Variants in DRC8 observed in about 807,000 individuals in gnomAD.
DRC8 encodes the protein dynein regulatory complex subunit 8.
chr1:245,103,426 G>C, the DRC8 span, among the ~76,000 whole-genome samples: 1 of 1,096 alleles, frequency 9.1e-4, no homozygotes, highest in Admixed American at 0.01. Flanking sequence ...GTGAGGCTGA[G>C]GAGGATCAGA....
the DRC8 span, among the ~76,000 whole-genome samples, chr1:245,024,479 G>A: frequency 6.6e-6 from 1 of 151,204 alleles, no homozygotes; most frequent in Non-Finnish European, 1.5e-5. Context: ...CAAGCATTGG[G>A]ATTTTTTCCC....
chr1:245,009,328 C>T, the DRC8 span, among the ~76,000 whole-genome samples: 7 of 152,032 alleles, frequency 4.6e-5, no homozygotes, highest in South Asian at 1.0e-3. Flanking sequence ...CCACTGTGCC[C>T]GGCTGGATTG....
chr1:245,092,541 G>A, the DRC8 span, among the ~76,000 whole-genome samples: 1 of 152,208 alleles, frequency 6.6e-6, no homozygotes, highest in Non-Finnish European at 1.5e-5. Context: ...ATTTCTGAAA[G>A]CATGGTTGCC....
At chr1:245,075,396 A>G in the DRC8 span, among the ~76,000 whole-genome samples, 3 of 152,206 alleles carry the variant, frequency 2.0e-5, no homozygotes, top group Non-Finnish European at 4.4e-5. Context: ...ATAAATGTTG[A>G]TATTATTAAA....
the DRC8 span, among the ~76,000 whole-genome samples, chr1:244,977,422 C>T: frequency 6.6e-6 from 1 of 152,110 alleles, no homozygotes; most frequent in Non-Finnish European, 1.5e-5. Flanking sequence ...AGGTGGCTCA[C>T]ATCTGTAAAC....
the DRC8 span, among the ~76,000 whole-genome samples, chr1:245,036,074 G>C: frequency 3.3e-5 from 5 of 152,012 alleles, no homozygotes; most frequent in African/African-American, 4.8e-5. Flanking sequence ...GTGCTTCAAA[G>C]GACACTGTCA....
the DRC8 span, among the ~76,000 whole-genome samples, chr1:244,971,391 T>G: frequency 6.6e-6 from 1 of 152,208 alleles, no homozygotes; most frequent in Middle Eastern, 3.2e-3. Context: ...TTCGGAGGCA[T>G]CGATGTGTTG....
chr1:245,010,150 C>T, the DRC8 span, among the ~76,000 whole-genome samples: 1 of 152,162 alleles, frequency 6.6e-6, no homozygotes, highest in East Asian at 1.9e-4. Flanking sequence ...CATGAGCCAC[C>T]GCTCCCGACC....
At chr1:245,101,921 G>T in the DRC8 span, among the ~76,000 whole-genome samples, 1 of 152,224 alleles carries the variant, frequency 6.6e-6, no homozygotes, top group African/African-American at 2.4e-5. Flanking sequence ...GACGATTTAG[G>T]TTCATCTTGT....
At chr1:244,979,785 G>A in the DRC8 span, among the ~76,000 whole-genome samples, 2 of 151,912 alleles carry the variant, frequency 1.3e-5, no homozygotes, top group Admixed American at 1.3e-4. Context: ...AACAAGTAGG[G>A]GATGGATATT....
chr1:245,081,705 G>A, the DRC8 span, among the ~76,000 whole-genome samples: 2 of 152,092 alleles, frequency 1.3e-5, no homozygotes, highest in Non-Finnish European at 2.9e-5. Flanking sequence ...CTGACCTCAA[G>A]TAATCTGCCT....
the DRC8 span, chr1:245,017,247 A>T: frequency 1.9e-6 from 3 of 1,605,344 alleles, no homozygotes; most frequent in Non-Finnish European, 2.5e-6. Flanking sequence ...TGCAGAGATA[A>T]TAGTAGCAGA....
chr1:245,077,779 CAT>C, the DRC8 span, among the ~76,000 whole-genome samples: 2 of 152,042 alleles, frequency 1.3e-5, no homozygotes, highest in Non-Finnish European at 2.9e-5. Flanking sequence ...TAGAAGAAAA[CAT>C]AGGGAAAATG....
chr1:245,116,418 A>T, the DRC8 span, among the ~76,000 whole-genome samples: 2 of 152,048 alleles, frequency 1.3e-5, no homozygotes, highest in South Asian at 4.2e-4. Flanking sequence ...AACAAAAAAA[A>T]CTTTGGCTTG....
the DRC8 span, chr1:245,082,256 A>C: frequency 3.5e-6 from 4 of 1,142,380 alleles, no homozygotes; most frequent in African/African-American, 6.0e-5. Context: ...TTTGTGTGTT[A>C]TACTCAAGCA....
the DRC8 span, among the ~76,000 whole-genome samples, chr1:245,036,806 C>G: frequency 9.9e-5 from 15 of 152,084 alleles, no homozygotes; most frequent in Non-Finnish European, 1.9e-4. Context: ...ACACACAGAT[C>G]AGTGGTTGTG....
At chr1:245,108,918 A>G in the DRC8 span, among the ~76,000 whole-genome samples, 1 of 152,320 alleles carries the variant, frequency 6.6e-6, no homozygotes, top group Non-Finnish European at 1.5e-5. Flanking sequence ...AGATATGGCC[A>G]TGGCTTGTAC....
chr1:245,086,894 C>T, the DRC8 span: 5 of 506,678 alleles, frequency 9.9e-6, no homozygotes, highest in Non-Finnish European at 2.0e-5. Flanking sequence ...TCATCAAATA[C>T]TGGGGCTTCA....
At chr1:245,021,934 C>T in the DRC8 span, among the ~76,000 whole-genome samples, 5,033 of 152,200 alleles carry the variant, frequency 0.033, 287 homozygotes, top group African/African-American at 0.11. Context: ...CTCAGCCTCC[C>T]GAGCTGGGAC....
Sources: allele counts gnomAD v4.1 joint callset (sites outside exome capture counted in the v4.1 genomes callset), GRCh38; gene constraint gnomAD v4.1.1; transcripts MANE v1.5; gene names NCBI Gene and HGNC (gene_info 2026-07-23, HGNC 2026-07-21).